TBC1D16: variants seen among roughly 807,000 people sequenced by gnomAD.
TBC1D16 encodes the protein CTD-2529O21.1.
In TBC1D16, 58 loss-of-function variants were observed where a neutral mutation model predicts 74.7. The ratio of observed to expected loss-of-function variants is 0.78; its 90% CI spans 0.63 to 0.97. The LOEUF (loss-of-function observed/expected upper bound fraction) is 0.97. Among genes scored for constraint, TBC1D16 ranks in the 50% least tolerant of loss-of-function variants. The pLI is 0.00. For missense variants in TBC1D16, 1,014 were observed against 1,079.5 expected (o/e 0.94, Z 0.85); for synonymous variants, 493 against 474.7 (o/e 1.04, Z -0.50).
At chr17:80,002,866 C>T (rs910649437) in intron 3 of TBC1D16, among the ~76,000 whole-genome samples, 11 of 152,358 alleles carry the variant, frequency 7.2e-5, no homozygotes, top group African/African-American at 2.6e-4. Flanking sequence ...CTGGCCCAGG[C>T]ACTGGGAGGA....
At chr17:79,952,081 A>C (rs976800127) in intron 4 of TBC1D16, 1 of 155,462 alleles carries the variant, frequency 6.4e-6, no homozygotes, top group African/African-American at 2.4e-5. Flanking sequence ...GGCTGCCCTT[A>C]GATGAAAGGC....
At position 80,001,984 on chromosome 17, in the gene TBC1D16, G is replaced by A. The variant is rs1027707867; in HGVS notation, c.779+8176C>T. ...AGTGTGTCCTGATTCGTGTGCCACCGCTCACTTCTTCGCCCACCTCCAGGA... is the reference window on the plus strand; with the variant it reads ...AGTGTGTCCTGATTCGTGTGCCACCACTCACTTCTTCGCCCACCTCCAGGA... On this transcript the variant is annotated intron_variant, in intron 3 of 11. Coordinates refer to ENST00000310924, the MANE Select transcript of TBC1D16 (RefSeq NM_019020.4). This position sits in a 1 kb window ranked among gnomAD's most constrained non-coding sequence, Gnocchi z 5.8. Among the ~76,000 whole-genome samples, 3 of 152,074 alleles carry A rather than the reference G, an allele frequency of 2.0e-5. No individual in the cohort carries two copies. The highest frequency in any genetic ancestry group is 4.4e-5 in the Non-Finnish European group (3 of 68,020).
At chr17:79,989,573 G>A (rs946516538) in intron 3 of TBC1D16, among the ~76,000 whole-genome samples, 1 of 152,230 alleles carries the variant, frequency 6.6e-6, no homozygotes, top group Non-Finnish European at 1.5e-5. Flanking sequence ...TGGCAAACTG[G>A]CCTTGTGGAG....
In TBC1D16 at chr17:79,961,781, T is replaced by G. The variant is rs2033625394; in HGVS notation, c.780-8963A>C. On this transcript the variant is annotated intron_variant, in intron 3 of 11. Coordinates refer to ENST00000310924, the MANE Select transcript of TBC1D16 (RefSeq NM_019020.4). The surrounding 1 kb of genome is among the most constrained non-coding windows in gnomAD (Gnocchi z 4.8). ...GGGAGGCTCAGGCAGGAGACTTGCT[T>G]GAACCCTGGAGGCAGAGGTTGCAGT... Among the ~76,000 whole-genome samples the G allele has an allele frequency of 6.6e-6, 1 of 152,144 alleles. No individual in the cohort carries two copies. The highest frequency in any genetic ancestry group is 2.4e-5 in the African/African-American group (1 of 41,430).
rs2032938310 is a variant in TBC1D16 at position 79,950,268 on chromosome 17, C to T, written c.1257+143G>A. 7 of 893,924 alleles carry T rather than the reference C, an allele frequency of 7.8e-6. No homozygotes were observed. In the East Asian group the frequency reaches 1.9e-4, roughly 24 times the overall value. The allele number at this position is 893,924 out of a possible 1,614,324, so 55.4% of individuals were successfully genotyped here. ...CTTTATCGGTGTGTTCACAGAGAGC[C>T]TCACACAAGAAAACGGGGCCCTCAC... is the stretch of plus-strand genomic sequence containing the variant. On this transcript the variant is annotated intron_variant, in intron 6 of 11. Transcript: ENST00000310924. This position sits in a 1 kb window ranked among gnomAD's most constrained non-coding sequence, Gnocchi z 4.6.
In TBC1D16 at chr17:79,943,821, G is replaced by C. The variant is rs1001230808; in HGVS notation, c.1908+1087C>G. 3 of 1,339,060 alleles carry C rather than the reference G, an allele frequency of 2.2e-6. No homozygotes were observed. The African/African-American group carries it at 4.4e-5, about 20-fold the overall frequency. The allele number at this position is 1,339,060 out of a possible 1,614,324, so 82.9% of individuals were successfully genotyped here. A position where few individuals can be genotyped will look rare whatever the true frequency, so the allele number is the denominator to read the frequency against. ...CGCGCTGAGTTCACGGGTAACATCA[G>C]CCTGAACGTAAAGGAATGAGGGCGG... On this transcript the variant is annotated intron_variant, in intron 10 of 11. Transcript: ENST00000310924.
chr17:80,023,148 G>A (rs1051066232), intron 1 of TBC1D16, among the ~76,000 whole-genome samples: 10 of 149,918 alleles, frequency 6.7e-5, no homozygotes, highest in South Asian at 2.1e-4. Flanking sequence ...GATTTACCGC[G>A]AAATGGGACA....
In TBC1D16 at chr17:79,938,198, G is replaced by C. The variant is rs979820982; in HGVS notation, c.*2661C>G. On this transcript the variant is annotated 3_prime_UTR_variant, in exon 12 of 12. Coordinates refer to ENST00000310924, the MANE Select transcript of TBC1D16 (RefSeq NM_019020.4). Reference sequence around the variant, plus strand: ...ATTAAGGGAGTTGTGGAGGGGCGGGGCTTCTCCATCCCCCGCGGAGCAGCG... The same window carrying C: ...ATTAAGGGAGTTGTGGAGGGGCGGGCCTTCTCCATCCCCCGCGGAGCAGCG... 3.3e-5 allele frequency: 5 copies of C among 152,206 alleles called. No homozygotes were observed. Among genetic ancestry groups the C allele is most frequent in the Admixed American group, 3.3e-4 (5 of 15,292 alleles). 9.4% of individuals were successfully genotyped at this position (152,206 alleles called of 1,614,324 possible). A position where few individuals can be genotyped will look rare whatever the true frequency, so the allele number is the denominator to read the frequency against.
chr17:79,941,211 G>T lies in TBC1D16; in HGVS notation c.2056-104C>A. The T allele has an allele frequency of 8.6e-7, 1 of 1,156,668 alleles. No individual in the cohort carries two copies. The highest frequency in any genetic ancestry group is 1.2e-6 in the Non-Finnish European group (1 of 827,698). 71.7% of individuals were successfully genotyped at this position (1,156,668 alleles called of 1,614,324 possible). A position where few individuals can be genotyped will look rare whatever the true frequency, so the allele number is the denominator to read the frequency against. ...ACAGCAACAGCAGCAACAACGGCCT[G>T]CACCTCGGGGGCTCACCGAGTCCTG... is the stretch of plus-strand genomic sequence containing the variant. On this transcript the variant is annotated intron_variant, in intron 11 of 11. Transcript: ENST00000310924. The surrounding 1 kb of genome is among the most constrained non-coding windows in gnomAD (Gnocchi z 4.3).
intron 8 of TBC1D16, among the ~76,000 whole-genome samples, chr17:79,948,558 G>C (rs1236790950): frequency 6.6e-6 from 1 of 152,158 alleles, no homozygotes; most frequent in Admixed American, 6.5e-5. Flanking sequence ...GACCACCCAC[G>C]GGGAGATGGA....
chr17:80,007,158 C>G lies in TBC1D16; in HGVS notation c.779+3002G>C, dbSNP rs1177884267. Among the ~76,000 whole-genome samples the G allele has an allele frequency of 1.3e-5, 2 of 152,206 alleles. No individual in the cohort carries two copies. Among genetic ancestry groups the G allele is most frequent in the Non-Finnish European group, 2.9e-5 (2 of 68,044 alleles). The stretch of plus-strand genomic sequence containing the variant: ...CTCCCCTGGACCGGGCTGACACAGG[C>G]CTGAGGTGCGAGCCACACCGAGCCC... On this transcript the variant is annotated intron_variant, in intron 3 of 11. Coordinates refer to ENST00000310924, the MANE Select transcript of TBC1D16 (RefSeq NM_019020.4). The surrounding 1 kb of genome is among the most constrained non-coding windows in gnomAD (Gnocchi z 4.5).
chr17:80,002,382 T>C (rs1222389575), intron 3 of TBC1D16, among the ~76,000 whole-genome samples: 1 of 152,240 alleles, frequency 6.6e-6, no homozygotes, highest in Non-Finnish European at 1.5e-5. Context: ...ATGCCGTTTA[T>C]TACTGCCTCG....
At chr17:79,997,740 G>A (rs1009728665) in intron 3 of TBC1D16, among the ~76,000 whole-genome samples, 3 of 152,130 alleles carry the variant, frequency 2.0e-5, no homozygotes, top group African/African-American at 4.8e-5. Context: ...TGACGTTCAG[G>A]GCTTCTACTA....
chr17:79,968,611 T>C (rs909237015), intron 3 of TBC1D16, among the ~76,000 whole-genome samples: 3 of 152,068 alleles, frequency 2.0e-5, no homozygotes, highest in African/African-American at 7.2e-5. Flanking sequence ...CCCAGCACTT[T>C]GGGAGGCCGA....
At chr17:80,024,181 A>C (rs1376051632) in intron 1 of TBC1D16, among the ~76,000 whole-genome samples, 2 of 129,126 alleles carry the variant, frequency 1.5e-5, no homozygotes, top group Non-Finnish European at 3.5e-5. Flanking sequence ...ACTTCAGCCC[A>C]CCAGGCAGGA....
At chr17:79,970,417 T>C (rs184877216) in intron 3 of TBC1D16, among the ~76,000 whole-genome samples, 4 of 152,306 alleles carry the variant, frequency 2.6e-5, no homozygotes, top group Non-Finnish European at 5.9e-5. Flanking sequence ...AGGGTGACTT[T>C]TATGCTATGT....
At position 79,972,679 on chromosome 17, in the gene TBC1D16, C is replaced by T. The variant is rs146531785; in HGVS notation, c.780-19861G>A. Among the ~76,000 whole-genome samples, 1,190 of 152,168 alleles carry T rather than the reference C, an allele frequency of 7.8e-3. 10 individuals carry two copies. The highest frequency in any genetic ancestry group is 0.011 in the Non-Finnish European group (748 of 67,992). ...GGAGAGGAGATGGGGAGTTGTTTAA[C>T]GGGAACAGAGTTTCGGTTGGGAAGA... On this transcript the variant is annotated intron_variant, in intron 3 of 11. Transcript: ENST00000310924.
intron 3 of TBC1D16, among the ~76,000 whole-genome samples, chr17:79,967,811 T>C (rs2033906001): frequency 1.3e-5 from 2 of 152,078 alleles, no homozygotes; most frequent in South Asian, 4.2e-4. Flanking sequence ...AAATTAGGAC[T>C]CACACTTCCT....
In TBC1D16 at chr17:80,001,940, A is replaced by C. The variant is rs1346389284; in HGVS notation, c.779+8220T>G. ...TGCTGGGCAGCTGCTGCGCCCCGGA[A>C]CAAAGACGGGAAGGGCAAAGTGTGT... On this transcript the variant is annotated intron_variant, in intron 3 of 11. Coordinates refer to ENST00000310924, the MANE Select transcript of TBC1D16 (RefSeq NM_019020.4). This position sits in a 1 kb window ranked among gnomAD's most constrained non-coding sequence, Gnocchi z 5.8. Among the ~76,000 whole-genome samples the C allele has an allele frequency of 6.6e-6, 1 of 152,120 alleles. No homozygotes were observed. Among genetic ancestry groups the C allele is most frequent in the Non-Finnish European group, 1.5e-5 (1 of 68,016 alleles).
Sources: gnomAD v4.1 joint callset for allele counts (sites outside exome capture counted in the v4.1 genomes callset) on GRCh38, gnomAD v4.1.1 for gene constraint, Gnocchi (gnomAD v3.1) non-coding constraint, MANE v1.5 for transcripts, NCBI Gene and HGNC (gene_info 2026-07-23, HGNC 2026-07-21) for gene names.